Variants in SETD1A observed in about 807,000 individuals in gnomAD.
SETD1A encodes histone-lysine N-methyltransferase SETD1A.
In SETD1A, 29 loss-of-function variants were observed where a neutral mutation model predicts 149.9. That is an observed-to-expected ratio of 0.19 (90% confidence interval 0.14 to 0.26). SETD1A has a LOEUF of 0.26. Ranked by LOEUF, SETD1A falls within the 10% of genes least tolerant of loss-of-function variation. The probability of loss-of-function intolerance (pLI) is 1.00; values close to 1 mark genes in which losing one functional copy is unlikely to be tolerated. For missense variants in SETD1A, 2,109 were observed against 2,353.1 expected, an observed-to-expected ratio of 0.90 and a Z score of 2.15; for synonymous variants, 1,141 against 968.5, an observed-to-expected ratio of 1.18 and a Z score of -3.31.
At chr16:30,977,407 C>G (rs766511471) in intron 13 of SETD1A, among the ~76,000 whole-genome samples, 1 of 152,188 alleles carries the variant, frequency 6.6e-6, no homozygotes, top group Admixed American at 6.5e-5. Context: ...TAGAGCAGTT[C>G]TCAGAGGAAG....
At chr16:30,962,856 A>C (rs1029292670) in intron 4 of SETD1A, among the ~76,000 whole-genome samples, 5 of 152,228 alleles carry the variant, frequency 3.3e-5, no homozygotes, top group African/African-American at 9.6e-5. Context: ...GAGGCATGAG[A>C]ATCACTTGAA....
intron 3 of SETD1A, among the ~76,000 whole-genome samples, chr16:30,960,109 C>T (rs1030330963): frequency 6.6e-6 from 1 of 152,084 alleles, no homozygotes; most frequent in Non-Finnish European, 1.5e-5. Flanking sequence ...TCTTTCTATT[C>T]TCATTGCCAC....
chr16:30,977,578 G>A (rs2056299673), intron 13 of SETD1A, among the ~76,000 whole-genome samples: 1 of 152,250 alleles, frequency 6.6e-6, no homozygotes, highest in African/African-American at 2.4e-5. Context: ...CCGAGGACAT[G>A]CATGCTGAAG....
rs2055995069 is a variant in SETD1A at position 30,958,371 on chromosome 16, C to G, written c.-15-346C>G. ...GTGGGAGCCGTGGCCGGGCTCGGCC[C>G]GGGCCGCTGGCCGGTGAGGAGGCGG... On this transcript the variant is annotated intron_variant, in intron 1 of 18. Coordinates refer to ENST00000262519, the MANE Select transcript of SETD1A (RefSeq NM_014712.3). 1.8e-5 allele frequency: 3 copies of G among 162,746 alleles called. No individual in the cohort carries two copies. The South Asian group carries it at 3.8e-4, about 20-fold the overall frequency. The allele number at this position is 162,746 out of a possible 1,614,324, so 10.1% of individuals were successfully genotyped here. A position where few individuals can be genotyped will look rare whatever the true frequency, so the allele number is the denominator to read the frequency against.
In SETD1A at chr16:30,967,053, C is replaced by T; in HGVS notation, c.2675C>T (p.Ser892Leu). 6.6e-7 allele frequency: 1 copy of T among 1,512,182 alleles called. No homozygotes were observed. Among genetic ancestry groups the T allele is most frequent in the Non-Finnish European group, 8.9e-7 (1 of 1,121,716 alleles). 93.7% of individuals were successfully genotyped at this position (1,512,182 alleles called of 1,614,324 possible). A position where few individuals can be genotyped will look rare whatever the true frequency, so the allele number is the denominator to read the frequency against. Residue 892 changes from serine to leucine, a missense_variant, in exon 9 of 19, where the codon TCA becomes TTA. Ser to Leu is a moderately radical substitution (Grantham distance 145, BLOSUM62 -2). Coordinates refer to ENST00000262519, the MANE Select transcript of SETD1A (RefSeq NM_014712.3). The part of the protein sequence containing the change: ...SGLRGALRLP[S>L]FKVKRKEPSE... The stretch of plus-strand genomic sequence containing the variant: ...CTGAGAGGGGCCCTGCGGCTGCCTT[C>T]ATTCAAGGTACTCAGAACTGTCGTT...
intron 2 of SETD1A, 46 bp from the exon 3 acceptor site, chr16:30,959,045 C>T (rs1176074122): frequency 2.0e-6 from 3 of 1,512,392 alleles, no homozygotes; most frequent in Non-Finnish European, 1.8e-6. Flanking sequence ...GCTCCCTAGC[C>T]TGGATTCACC....
rs1474345822 is a variant in SETD1A at position 30,980,654 on chromosome 16, T to C, written c.4578T>C (p.Thr1526=). 6.2e-7 allele frequency: 1 copy of C among 1,612,512 alleles called. No homozygotes were observed. The change falls in exon 15 of 19, where the codon ACT becomes ACC. Residue 1526 remains threonine (T), a synonymous_variant. Transcript: ENST00000262519. The surrounding 1 kb of genome is among the most constrained non-coding windows in gnomAD (Gnocchi z 7.7). ...CCCGGCAGCTGGAGGGCGTGGACACTCAGGTGGGCCTAACCCCGCCGCCGC... is the reference window on the plus strand; with the variant it reads ...CCCGGCAGCTGGAGGGCGTGGACACCCAGGTGGGCCTAACCCCGCCGCCGC... ...VSARQLEGVD[T]QGTNRVLSER... is the part of the protein sequence containing the mutation.
intron 17 of SETD1A, among the ~76,000 whole-genome samples, chr16:30,981,812 G>A (rs1442712115): frequency 6.6e-6 from 1 of 152,200 alleles, no homozygotes; most frequent in East Asian, 1.9e-4. Context: ...CTAGCCGGGC[G>A]TGGGGGTACA....
chr16:30,959,413 C>T (rs1190812969), intron 3 of SETD1A, among the ~76,000 whole-genome samples: 3 of 152,142 alleles, frequency 2.0e-5, no homozygotes. Flanking sequence ...GTGTCGACTT[C>T]TTGAAGGGTG....
chr16:30,962,953 T>C (rs1056083104), intron 4 of SETD1A, among the ~76,000 whole-genome samples: 3 of 152,256 alleles, frequency 2.0e-5, no homozygotes, highest in Non-Finnish European at 4.4e-5. Flanking sequence ...TTAAATACCA[T>C]GTTTCTTTCC....
chr16:30,966,522 C>T, intron 8 of SETD1A, 136 bp downstream of exon 8: 8 of 1,368,462 alleles, frequency 5.8e-6, no homozygotes, highest in Non-Finnish European at 7.8e-6. Context: ...CTGCAGGCCA[C>T]CCTGGGTGGG....
At chr16:30,975,577 C>T (rs1369601534) in intron 13 of SETD1A, among the ~76,000 whole-genome samples, 6 of 151,088 alleles carry the variant, frequency 4.0e-5, no homozygotes, top group African/African-American at 1.5e-4. Flanking sequence ...ATTACAGGTG[C>T]ACACTGCCAC....
chr16:30,968,423 T>C (rs1041081827), intron 10 of SETD1A, among the ~76,000 whole-genome samples: 2 of 149,206 alleles, frequency 1.3e-5, no homozygotes, highest in African/African-American at 2.5e-5. Context: ...AAAATACATA[T>C]ATATATATAT....
rs765293483 is a variant in SETD1A, at chr16:30,966,115, G to A, written c.2234G>A (p.Arg745Gln). ...QGQEGRGAYS[R>Q]EAYHLPMPMA... ...CAGGAGGGCAGAGGGGCATACTCAC[G>A]GGAGGCCTACCACCTGCCCATGCCA... Residue 745 changes from arginine to glutamine, a missense_variant, in exon 8 of 19, where the codon CGG becomes CAG. By Grantham distance (43) the Arg-to-Gln change is conservative. Coordinates refer to ENST00000262519, the MANE Select transcript of SETD1A (RefSeq NM_014712.3). 48 of 1,599,534 alleles carry A rather than the reference G, an allele frequency of 3.0e-5. 1 individual carries two copies. Among genetic ancestry groups the A allele is most frequent in the Non-Finnish European group, 3.6e-5 (42 of 1,171,684 alleles).
At chr16:30,963,737 A>T (rs2056088925) in intron 5 of SETD1A, among the ~76,000 whole-genome samples, 183 bp downstream of exon 5, 1 of 152,246 alleles carries the variant, frequency 6.6e-6, no homozygotes, top group South Asian at 2.1e-4. Context: ...TCACGCCTGT[A>T]ATCCCAGCAC....
Position 30,964,705 on chromosome 16 carries a change from A to C in SETD1A, c.963A>C (p.Thr321=). The C allele has an allele frequency of 6.2e-7, 1 of 1,614,010 alleles. No homozygotes were observed. Among genetic ancestry groups the C allele is most frequent in the East Asian group, 2.2e-5 (1 of 44,880 alleles). The change falls in exon 7 of 19, where the codon ACA becomes ACC. Residue 321 remains threonine, a synonymous_variant. Coordinates refer to ENST00000262519, the MANE Select transcript of SETD1A (RefSeq NM_014712.3). ...ACTTCTCTGCATCTTCAGCCTCCAC[A>C]ACCGCCTCCACGGCCATCGCCGCCA... ...RRHFSASSAS[T]TASTAIAATT... is the part of the protein sequence containing the mutation.
At chr16:30,977,835 C>T (rs1242269428) in intron 13 of SETD1A, among the ~76,000 whole-genome samples, 3 of 152,322 alleles carry the variant, frequency 2.0e-5, no homozygotes, top group South Asian at 2.1e-4. Flanking sequence ...GCCCTGTTGG[C>T]GCTGAGCGGG....
intron 13 of SETD1A, among the ~76,000 whole-genome samples, chr16:30,974,337 G>A (rs546877033): frequency 6.6e-6 from 1 of 152,192 alleles, no homozygotes; most frequent in East Asian, 1.9e-4. Flanking sequence ...ATATGAGGTC[G>A]GTGCTTAGGT....
At chr16:30,963,203 A>T (rs1216478007) in intron 4 of SETD1A, among the ~76,000 whole-genome samples, 1 of 152,174 alleles carries the variant, frequency 6.6e-6, no homozygotes, top group Admixed American at 6.5e-5. Context: ...AATAAGTAGA[A>T]GTGTTTTTGA....
Sources: allele counts gnomAD v4.1 joint callset (sites outside exome capture counted in the v4.1 genomes callset), GRCh38; gene constraint gnomAD v4.1.1; non-coding constraint Gnocchi (gnomAD v3.1); transcripts MANE v1.5; gene names NCBI Gene and HGNC (gene_info 2026-07-23, HGNC 2026-07-21).